The following HTR3E variants were observed in gnomAD, a reference collection of about 807,000 sequenced individuals.
HTR3E encodes 5-hydroxytryptamine (serotonin) receptor 3, family member E.
HTR3E carries 38 observed loss-of-function variants against 38.0 expected under a neutral mutation model. The ratio of observed to expected loss-of-function variants is 1.00; its 90% CI spans 0.77 to 1.31. The LOEUF (loss-of-function observed/expected upper bound fraction) is 1.31, where lower values mean the gene tolerates loss of function less well. Among genes scored for constraint, HTR3E ranks in the 50% most tolerant of loss-of-function variants. The pLI, the probability that HTR3E is intolerant of heterozygous loss-of-function variation, is 0.00. For synonymous variants in HTR3E, 210 were observed against 232.9 expected (o/e 0.90, Z 0.89); for missense variants, 547 against 585.2 (o/e 0.93, Z 0.67).
intron 6 of HTR3E, 45 bp from the exon 7 acceptor site, chr3:184,105,720 T>C (rs1406799914): frequency 2.1e-6 from 3 of 1,462,126 alleles, no homozygotes; most frequent in African/African-American, 2.8e-5. Flanking sequence ...ATTTGAGGGT[T>C]CCTCTGACCC....
intron 2 of HTR3E, among the ~76,000 whole-genome samples, chr3:184,100,950 T>TTTGTTC (rs1456274645): frequency 2.0e-5 from 3 of 152,080 alleles, no homozygotes; most frequent in African/African-American, 7.2e-5. Flanking sequence ...TGTTTTTGTT[T>TTTGTTC]TTGTATTTTT....
At chr3:184,105,005 A>G in intron 5 of HTR3E, 49 bp downstream of exon 5, 3 of 1,532,510 alleles carry the variant, frequency 2.0e-6, no homozygotes, top group South Asian at 1.2e-5. Context: ...AGCAACCAAC[A>G]AATATAAAGA....
chr3:184,100,978 C>G (rs1712003090), intron 2 of HTR3E, among the ~76,000 whole-genome samples: 1 of 152,192 alleles, frequency 6.6e-6, no homozygotes, highest in Non-Finnish European at 1.5e-5. Context: ...GAGTCTCACT[C>G]TGTTGCCCAG....
intron 3 of HTR3E, among the ~76,000 whole-genome samples, chr3:184,102,775 A>C (rs944209554): frequency 6.6e-6 from 1 of 152,018 alleles, no homozygotes; most frequent in African/African-American, 2.4e-5. Context: ...AATACAAAAA[A>C]TTAGCCAGGC....
chr3:184,103,146 G>C (rs1159803571), intron 3 of HTR3E, among the ~76,000 whole-genome samples: 4 of 152,046 alleles, frequency 2.6e-5, no homozygotes, highest in South Asian at 2.1e-4. Context: ...GTGGGAGGAT[G>C]GGGGGAAATA....
chr3:184,100,441 C>A, intron 1 of HTR3E, 44 bp from the exon 2 acceptor site: 1 of 1,614,152 alleles, frequency 6.2e-7, no homozygotes, highest in Non-Finnish European at 8.5e-7. Context: ...ATAGGGAGCA[C>A]AGGGTTGCTC....
intron 6 of HTR3E, 38 bp from the exon 7 acceptor site, chr3:184,105,727 A>C (rs759372311): frequency 8.0e-6 from 12 of 1,509,312 alleles, no homozygotes; most frequent in Non-Finnish European, 1.1e-5. Context: ...GGTTCCTCTG[A>C]CCCCATAACT....
chr3:184,103,933 C>T (rs1481605266), intron 3 of HTR3E, among the ~76,000 whole-genome samples: 4 of 151,936 alleles, frequency 2.6e-5, no homozygotes, highest in Admixed American at 1.3e-4. Context: ...AGACCACCAG[C>T]GCTGGCTGAT....
Position 184,101,534 on chromosome 3 carries a change from G to A in HTR3E, c.279+5G>A. On this transcript the variant is annotated splice_donor_5th_base_variant and intron_variant, in intron 3 of 8. Transcript: ENST00000415389. ...TCATTCCTGTGGCTGGAAATGGTATGGACAACACTTTATTCTCTCCCTACA... is the reference window on the plus strand; with the variant it reads ...TCATTCCTGTGGCTGGAAATGGTATAGACAACACTTTATTCTCTCCCTACA... The A allele has an allele frequency of 1.2e-6, 2 of 1,606,480 alleles. No homozygotes were observed. Among genetic ancestry groups the A allele is most frequent in the Non-Finnish European group, 1.7e-6 (2 of 1,172,990 alleles).
At position 184,099,740 on chromosome 3, in the gene HTR3E, A is replaced by AAAAC. The variant is rs1560093087; in HGVS notation, c.68-745_68-744insAAAC. Among the ~76,000 whole-genome samples the AAAAC allele has an allele frequency of 1.4e-3, 77 of 53,248 alleles. 6 individuals are homozygous for AAAAC. The highest frequency in any genetic ancestry group is 6.9e-3 in the African/African-American group (68 of 9,796). The allele number at this position is 53,248 out of a possible 152,430, so 34.9% of individuals were successfully genotyped here. The stretch of plus-strand genomic sequence containing the variant: ...CGTCTCAAAAAAAAAAAAAAAAAAA[A>AAAAC]GAAAGAAATATGCACAATTATTATA... On this transcript the variant is annotated intron_variant, in intron 1 of 8. Coordinates refer to ENST00000415389, the MANE Select transcript of HTR3E (RefSeq NM_001256613.2).
Position 184,104,970 on chromosome 3 carries a change from A to C in HTR3E, c.559+14A>C. ...TCCTCTACACAGGTAAGTTGCAGTG[A>C]GGTCTCAGGGATGGGGTGAATGAGA... On this transcript the variant is annotated intron_variant, in intron 5 of 8. Coordinates refer to ENST00000415389, the MANE Select transcript of HTR3E (RefSeq NM_001256613.2). 6.2e-7 allele frequency: 1 copy of C among 1,606,112 alleles called. No individual in the cohort carries two copies. The highest frequency in any genetic ancestry group is 8.5e-7 in the Non-Finnish European group (1 of 1,176,216).
At chr3:184,102,595 T>C (rs1712119113) in intron 3 of HTR3E, among the ~76,000 whole-genome samples, 1 of 149,950 alleles carries the variant, frequency 6.7e-6, no homozygotes, top group African/African-American at 2.5e-5. Context: ...CTAACCTGCA[T>C]GTTGTGCACA....
chr3:184,103,414 G>A (rs1712185794), intron 3 of HTR3E, among the ~76,000 whole-genome samples: 3 of 152,092 alleles, frequency 2.0e-5, no homozygotes, highest in African/African-American at 7.2e-5. Flanking sequence ...TGGATCATGA[G>A]GTCAGGAGAT....
At position 184,097,180 on chromosome 3, in the gene HTR3E, A is replaced by G. The variant is rs902931509; in HGVS notation, c.-350A>G. 2.9e-5 allele frequency: 5 copies of G among 171,130 alleles called. No homozygotes were observed. In the Admixed American group the frequency reaches 3.0e-4, roughly 10 times the overall value. 10.6% of individuals were successfully genotyped at this position (171,130 alleles called of 1,614,324 possible). ...AACACATGTCTAATAAGAAAAATAG[A>G]GGAAGTGAAACATTTATAAATGTCT... is the stretch of plus-strand genomic sequence containing the variant. On this transcript the variant is annotated 5_prime_UTR_variant, in exon 1 of 9. Coordinates refer to ENST00000415389, the MANE Select transcript of HTR3E (RefSeq NM_001256613.2).
In HTR3E at chr3:184,104,213, C is replaced by G; in HGVS notation, c.311C>G (p.Pro104Arg). Reference sequence around the variant, plus strand: ...GATAACCCATTTATCAGCTGGAACCCAGAGGAATGTGAGGGCATCACGAAG... The same window carrying G: ...GATAACCCATTTATCAGCTGGAACCGAGAGGAATGTGAGGGCATCACGAAG... The part of the protein sequence containing the change: ...VWDNPFISWN[P>R]EECEGITKMS... The change falls in exon 4 of 9, where the codon CCA becomes CGA. Residue 104 changes from proline to arginine, a missense_variant. Transcript: ENST00000415389. 3 of 1,612,188 alleles carry G rather than the reference C, an allele frequency of 1.9e-6. No individual in the cohort carries two copies. The highest frequency in any genetic ancestry group is 2.5e-6 in the Non-Finnish European group (3 of 1,179,186).
intron 6 of HTR3E, 100 bp from the exon 7 acceptor site, chr3:184,105,665 G>A: frequency 2.7e-6 from 3 of 1,105,650 alleles, no homozygotes; most frequent in South Asian, 2.7e-5. Context: ...GTGATATCAG[G>A]CCAAAGAAAA....
chr3:184,106,561 C>G lies in HTR3E; in HGVS notation c.1239C>G (p.His413Gln), dbSNP rs187092862. ...GSEWTRAQREHEAQKQHSVEL... is the reference protein window; with the variant it reads ...GSEWTRAQREQEAQKQHSVEL... Reference sequence around the variant, plus strand: ...AATGGACAAGGGCCCAGCGGGAACACGAGGCCCAGAAGCAGCACTCAGTGG... The same window carrying G: ...AATGGACAAGGGCCCAGCGGGAACAGGAGGCCCAGAAGCAGCACTCAGTGG... The change falls in exon 9 of 9, where the codon CAC (histidine) becomes CAG (glutamine). Residue 413 changes from histidine to glutamine, a missense_variant. His to Gln is a conservative substitution (Grantham distance 24). Coordinates refer to ENST00000415389, the MANE Select transcript of HTR3E (RefSeq NM_001256613.2). The surrounding 1 kb of genome is among the most constrained non-coding windows in gnomAD (Gnocchi z 4.1). The G allele has an allele frequency of 6.2e-7, 1 of 1,613,984 alleles. No homozygotes were observed. Among genetic ancestry groups the G allele is most frequent in the African/African-American group, 1.3e-5 (1 of 74,922 alleles).
rs994458333 is a variant in HTR3E at position 184,097,307 on chromosome 3, A to G, written c.-223A>G. On this transcript the variant is annotated 5_prime_UTR_variant, in exon 1 of 9. Coordinates refer to ENST00000415389, the MANE Select transcript of HTR3E (RefSeq NM_001256613.2). ...AACTATCTATAACCATTTACGTTGC[A>G]GTGAAATACCTAAGACTAAGATAAA... The G allele has an allele frequency of 1.6e-5, 8 of 515,358 alleles. No homozygotes were observed. In the Admixed American group the frequency reaches 2.1e-4, roughly 13 times the overall value. The allele number at this position is 515,358 out of a possible 1,614,324, so 31.9% of individuals were successfully genotyped here.
chr3:184,100,230 T>C, intron 1 of HTR3E: 4 of 1,375,182 alleles, frequency 2.9e-6, no homozygotes, highest in South Asian at 2.9e-5. Context: ...AGGAAGTTAC[T>C]TCCTCTTATT....
Sources: gnomAD v4.1 joint callset for allele counts (sites outside exome capture counted in the v4.1 genomes callset) on GRCh38, gnomAD v4.1.1 for gene constraint, Gnocchi (gnomAD v3.1) non-coding constraint, MANE v1.5 for transcripts, NCBI Gene and HGNC (gene_info 2026-07-23, HGNC 2026-07-21) for gene names.